Variants in DIPK1A observed in about 807,000 individuals in gnomAD.
DIPK1A encodes the protein family with sequence similarity 69 member A.
Under a neutral mutation model 40.8 loss-of-function variants are expected in DIPK1A, and 27 were observed. The ratio of observed to expected loss-of-function variants is 0.66; its 90% CI spans 0.49 to 0.91. The LOEUF (loss-of-function observed/expected upper bound fraction) is 0.91. DIPK1A is among the 40% of genes least tolerant of loss of function. The pLI, the probability that DIPK1A is intolerant of heterozygous loss-of-function variation, is 0.00. For missense variants in DIPK1A, 412 were observed against 505.7 expected (o/e 0.81, Z 1.78); for synonymous variants, 166 against 171.3 (o/e 0.97, Z 0.24).
chr1:92,896,048 A>G (rs1315688426), intron 1 of DIPK1A, among the ~76,000 whole-genome samples: 1 of 152,234 alleles, frequency 6.6e-6, no homozygotes, highest in Admixed American at 6.5e-5. Context: ...ATGGGTAGGA[A>G]GAATCAATAT....
chr1:92,843,849 C>G lies in DIPK1A; in HGVS notation c.821G>C (p.Gly274Ala). The G allele has an allele frequency of 1.3e-6, 2 of 1,551,782 alleles. No individual in the cohort carries two copies. The highest frequency in any genetic ancestry group is 1.7e-6 in the Non-Finnish European group (2 of 1,147,018). Residue 274 changes from glycine (G) to alanine (A), a missense_variant, in exon 5 of 5, where the codon GGA becomes GCA. Gly to Ala is a moderately conservative substitution (Grantham distance 60). Coordinates refer to ENST00000370310, the MANE Select transcript of DIPK1A (RefSeq NM_001006605.5). ...AACATCTTCCACAAATTCTAGAAGT[C>G]CTATGGCTATTTTGGCCTTTCTTGG... ...SWPRKAKIAI[G>A]LLEFVEDVFH...
At chr1:92,877,614 A>C (rs1648186786) in intron 1 of DIPK1A, among the ~76,000 whole-genome samples, 1 of 152,232 alleles carries the variant, frequency 6.6e-6, no homozygotes. Flanking sequence ...CCCTGTACCA[A>C]AAGGCTTGAG....
Position 92,927,585 on chromosome 1 carries a change from C to T in DIPK1A, c.54+33791G>A, listed in dbSNP as rs138530056. On this transcript the variant is annotated intron_variant, in intron 1 of 4. Coordinates refer to ENST00000370310, the MANE Select transcript of DIPK1A (RefSeq NM_001006605.5). ...TCAAATTATAGATCATTTTCATCCC[C>T]TTCAAAGAAACCCTGTACTCATTAG... Among the ~76,000 whole-genome samples, 35 of 152,184 alleles carry T rather than the reference C, an allele frequency of 2.3e-4. No homozygotes were observed. The East Asian group carries it at 4.6e-3, about 20-fold the overall frequency.
At chr1:92,876,096 T>C (rs1386510928) in intron 2 of DIPK1A, among the ~76,000 whole-genome samples, 200 bp downstream of exon 2, 1 of 151,482 alleles carries the variant, frequency 6.6e-6, no homozygotes, top group Non-Finnish European at 1.5e-5. Flanking sequence ...TTATGTGTTA[T>C]ATATTTAAAT....
At chr1:92,950,980 T>G (rs1229980987) in intron 1 of DIPK1A, among the ~76,000 whole-genome samples, 1 of 152,206 alleles carries the variant, frequency 6.6e-6, no homozygotes, top group Non-Finnish European at 1.5e-5. Context: ...TATCTTCCTG[T>G]GGAGGCAGAA....
chr1:92,951,685 A>G (rs1054935870), intron 1 of DIPK1A, among the ~76,000 whole-genome samples: 16 of 152,156 alleles, frequency 1.1e-4, no homozygotes, highest in Non-Finnish European at 2.1e-4. Context: ...TCATTTTTCT[A>G]TTAAGAGATG....
intron 1 of DIPK1A, among the ~76,000 whole-genome samples, chr1:92,892,075 C>T (rs1648913798): frequency 6.6e-6 from 1 of 152,122 alleles, no homozygotes; most frequent in African/African-American, 2.4e-5. Flanking sequence ...GACTCCACTT[C>T]TGGGGGCAGG....
chr1:92,946,563 C>G (rs1374233704), intron 1 of DIPK1A, among the ~76,000 whole-genome samples: 1 of 152,160 alleles, frequency 6.6e-6, no homozygotes, highest in Non-Finnish European at 1.5e-5. Context: ...AACTATCAAA[C>G]AATGGAGAGG....
downstream of DIPK1A, among the ~76,000 whole-genome samples, chr1:92,841,370 GTAA>G (rs1041200094): frequency 6.6e-6 from 1 of 152,118 alleles, no homozygotes; most frequent in African/African-American, 2.4e-5. Context: ...TAAAGACTGG[GTAA>G]TAATCCATTA....
chr1:92,878,431 T>C (rs563353480), intron 1 of DIPK1A, among the ~76,000 whole-genome samples: 2 of 152,160 alleles, frequency 1.3e-5, no homozygotes, highest in African/African-American at 4.8e-5. Flanking sequence ...ACGCCTGTAA[T>C]CCCAGAACTT....
At chr1:92,890,170 T>C (rs1276578197) in intron 1 of DIPK1A, among the ~76,000 whole-genome samples, 1 of 152,220 alleles carries the variant, frequency 6.6e-6, no homozygotes, top group African/African-American at 2.4e-5. Context: ...GATTTTGTAT[T>C]CTGCAACTTT....
chr1:92,842,811 T>C lies in DIPK1A; in HGVS notation c.*572A>G. 7.1e-6 allele frequency: 7 copies of C among 985,454 alleles called. No homozygotes were observed. Among genetic ancestry groups the C allele is most frequent in the Non-Finnish European group, 8.4e-6 (7 of 829,952 alleles). 61.0% of individuals were successfully genotyped at this position (985,454 alleles called of 1,614,324 possible). A position where few individuals can be genotyped will look rare whatever the true frequency, so the allele number is the denominator to read the frequency against. On this transcript the variant is annotated 3_prime_UTR_variant, in exon 5 of 5. Transcript: ENST00000370310. ...TTCTTGAAGTAAGCCACTTGAACCA[T>C]TGTGAAGCTACACATAACTTGATGT...
chr1:92,833,744 A>AC, intron 4 of DIPK1A: 2 of 1,100,080 alleles, frequency 1.8e-6, no homozygotes, highest in Non-Finnish European at 2.8e-6. Context: ...TGTGTGTTAG[A>AC]AGGGCTGTCT....
chr1:92,947,892 G>A (rs1465987915), intron 1 of DIPK1A, among the ~76,000 whole-genome samples: 2 of 152,218 alleles, frequency 1.3e-5, no homozygotes, highest in Non-Finnish European at 2.9e-5. Context: ...ACCAGAGGTA[G>A]GAAAAGGTAC....
intron 2 of DIPK1A, among the ~76,000 whole-genome samples, chr1:92,865,943 T>C (rs1647515391): frequency 6.6e-6 from 1 of 152,196 alleles, no homozygotes. Flanking sequence ...TTTTTAGAAT[T>C]TACTACAAAA....
chr1:92,956,113 G>A lies in DIPK1A; in HGVS notation c.54+5263C>T, dbSNP rs537319304. Among the ~76,000 whole-genome samples the A allele has an allele frequency of 9.9e-5, 15 of 152,160 alleles. No individual in the cohort carries two copies. The South Asian group carries it at 3.1e-3, about 32-fold the overall frequency. Reference sequence around the variant, plus strand: ...GAGGCTATTCATGTGTCAGGACAAGGGGTATATGGGAAATCTCTCTGCATT... The same window carrying A: ...GAGGCTATTCATGTGTCAGGACAAGAGGTATATGGGAAATCTCTCTGCATT... On this transcript the variant is annotated intron_variant, in intron 1 of 4. Transcript: ENST00000370310.
At position 92,843,239 on chromosome 1, in the gene DIPK1A, G is replaced by GTAATCACATAC; in HGVS notation, c.*143_*144insGTATGTGATTA. On this transcript the variant is annotated 3_prime_UTR_variant, in exon 5 of 5. Coordinates refer to ENST00000370310, the MANE Select transcript of DIPK1A (RefSeq NM_001006605.5). ...TGATCCTACACCTGCCATTACTTCA[G>GTAATCACATAC]TGATCACATACTGATGGCTTCTCAG... 7.0e-7 allele frequency: 1 copy of GTAATCACATAC among 1,426,310 alleles called. No individual in the cohort carries two copies. Among genetic ancestry groups the GTAATCACATAC allele is most frequent in the Middle Eastern group, 2.6e-4 (1 of 3,822 alleles). 88.4% of individuals were successfully genotyped at this position (1,426,310 alleles called of 1,614,324 possible).
At chr1:92,886,874 T>C (rs916891836) in intron 1 of DIPK1A, among the ~76,000 whole-genome samples, 12 of 152,022 alleles carry the variant, frequency 7.9e-5, no homozygotes, top group African/African-American at 2.9e-4. Flanking sequence ...TGTCGATACA[T>C]TATTATCTAA....
At chr1:92,841,762 G>A (rs761578402), downstream of DIPK1A, 2 of 1,603,070 alleles carry the variant, frequency 1.2e-6, no homozygotes, top group Non-Finnish European at 1.7e-6. Flanking sequence ...CCTATCTTTT[G>A]TAGGTGGAAC....
Sources: allele counts gnomAD v4.1 joint callset (sites outside exome capture counted in the v4.1 genomes callset), GRCh38; gene constraint gnomAD v4.1.1; transcripts MANE v1.5; gene names NCBI Gene and HGNC (gene_info 2026-07-23, HGNC 2026-07-21).